The following LARGE1 variants were observed in gnomAD, a reference collection of about 807,000 sequenced individuals.
The protein encoded by LARGE1 is LARGE xylosyl- and glucuronyltransferase 1, also known as xylosyl- and glucuronyltransferase LARGE1.
LARGE1 carries 43 observed loss-of-function variants against 87.6 expected under a neutral mutation model. That is an observed-to-expected ratio of 0.49 (90% confidence interval 0.38 to 0.63). LARGE1 has a LOEUF of 0.63. Ranked by LOEUF, LARGE1 falls within the 30% of genes least tolerant of loss-of-function variation. The probability of loss-of-function intolerance (pLI) is 0.00; values close to 1 mark genes in which losing one functional copy is unlikely to be tolerated. For missense variants in LARGE1, 802 were observed against 1,000.2 expected (o/e 0.80, Z 2.67); for synonymous variants, 434 against 394.6 (o/e 1.10, Z -1.18).
rs544477241 is a variant in LARGE1 at position 33,645,248 on chromosome 22, A to G, written c.408+5119T>C. Among the ~76,000 whole-genome samples the G allele has an allele frequency of 2.6e-5, 4 of 152,334 alleles. No individual in the cohort carries two copies. In the East Asian group the frequency reaches 7.7e-4, roughly 29 times the overall value. On this transcript the variant is annotated intron_variant, in intron 3 of 14. Coordinates refer to ENST00000397394, the MANE Select transcript of LARGE1 (RefSeq NM_133642.5). ...ATGGTACTGGTACCAAAACAGATAT[A>G]TAGACCAATGAAACAGAACAGAGGC... is the stretch of plus-strand genomic sequence containing the variant.
At chr22:33,603,741 G>A (rs2079171669) in intron 5 of LARGE1, among the ~76,000 whole-genome samples, 1 of 152,190 alleles carries the variant, frequency 6.6e-6, no homozygotes, top group Admixed American at 6.5e-5. Context: ...TGACAAGACT[G>A]GAAGTAGAAT....
intron 6 of LARGE1, among the ~76,000 whole-genome samples, chr22:33,438,250 T>TG (rs2067344107): frequency 6.6e-6 from 1 of 151,968 alleles, no homozygotes; most frequent in East Asian, 1.9e-4. Context: ...GGGGATTCCT[T>TG]GGGGGAGATG....
At chr22:33,665,776 C>G (rs565700200) in intron 2 of LARGE1, among the ~76,000 whole-genome samples, 100 of 152,048 alleles carry the variant, frequency 6.6e-4, no homozygotes, top group Non-Finnish European at 1.3e-3. Context: ...CCTGTAGTCC[C>G]AGCTACTCAG....
chr22:33,296,123 A>G (rs1159423325), intron 12 of LARGE1, among the ~76,000 whole-genome samples: 1 of 152,248 alleles, frequency 6.6e-6, no homozygotes, highest in African/African-American at 2.4e-5. Flanking sequence ...ACTGTTAGTA[A>G]TAATAGCTAA....
chr22:33,641,375 G>C (rs764497638), intron 3 of LARGE1, among the ~76,000 whole-genome samples: 2 of 151,924 alleles, frequency 1.3e-5, no homozygotes, highest in African/African-American at 2.4e-5. Flanking sequence ...CCACAAAAAA[G>C]GCCATCAGCA....
intron 2 of LARGE1, among the ~76,000 whole-genome samples, chr22:33,735,355 A>G (rs1235753631): frequency 6.6e-6 from 1 of 152,218 alleles, no homozygotes; most frequent in Non-Finnish European, 1.5e-5. Flanking sequence ...CACCCCTTTG[A>G]GAACCATGCA....
At chr22:33,559,818 T>C (rs1360618898) in intron 6 of LARGE1, among the ~76,000 whole-genome samples, 1 of 152,082 alleles carries the variant, frequency 6.6e-6, no homozygotes, top group Non-Finnish European at 1.5e-5. Context: ...TGGGCCAGAA[T>C]TCTGGAGACT....
chr22:33,736,522 T>C (rs958033527), intron 2 of LARGE1, among the ~76,000 whole-genome samples: 1 of 152,276 alleles, frequency 6.6e-6, no homozygotes, highest in East Asian at 1.9e-4. Context: ...GAGTTATTCA[T>C]CTATTCTGTA....
intron 1 of LARGE1, among the ~76,000 whole-genome samples, chr22:33,770,563 T>C (rs554509461): frequency 5.9e-5 from 9 of 152,128 alleles, no homozygotes; most frequent in African/African-American, 2.2e-4. Flanking sequence ...CATCTGCCTG[T>C]AGTCACAGCT....
intron 2 of LARGE1, among the ~76,000 whole-genome samples, chr22:33,659,998 T>C (rs1177915919): frequency 6.6e-6 from 1 of 152,074 alleles, no homozygotes; most frequent in Non-Finnish European, 1.5e-5. Flanking sequence ...AAGTGTGTTC[T>C]AACGAGCAAT....
In LARGE1 at chr22:33,408,750, T is replaced by G. The variant is rs183094823; in HGVS notation, c.892+23411A>C. On this transcript the variant is annotated intron_variant, in intron 7 of 14. Coordinates refer to ENST00000397394, the MANE Select transcript of LARGE1 (RefSeq NM_133642.5). ...TATCTGAAAATGGAAAAACCCAGCG[T>G]GGGACATACAAAAATGGCCAGGGGG... 1.8e-3 allele frequency among the ~76,000 whole-genome samples: 253 copies of G among 139,754 alleles called. 2 individuals carry two copies. Among genetic ancestry groups the G allele is most frequent in the African/African-American group, 7.5e-3 (241 of 32,136 alleles). The allele number at this position is 139,754 out of a possible 152,430, so 91.7% of individuals were successfully genotyped here.
chr22:33,382,985 T>C (rs1009831040), intron 8 of LARGE1, among the ~76,000 whole-genome samples: 1 of 152,248 alleles, frequency 6.6e-6, no homozygotes, highest in Admixed American at 6.5e-5. Flanking sequence ...AAAGTAATCA[T>C]GCAGGGTTTC....
chr22:33,224,430 C>T (rs1346416146), intron 11 of LARGE1, among the ~76,000 whole-genome samples: 3 of 152,036 alleles, frequency 2.0e-5, no homozygotes, highest in Non-Finnish European at 4.4e-5. Context: ...CATATTGTGC[C>T]AGCGCTATTA....
chr22:33,283,468 C>T (rs1258566244), intron 12 of LARGE1, 120 bp from the exon 13 acceptor site: 1 of 1,115,962 alleles, frequency 9.0e-7, no homozygotes, highest in Non-Finnish European at 1.3e-6. Flanking sequence ...CTCAGGTCAT[C>T]CTCTCAATTA....
Position 33,455,029 on chromosome 22 carries a change from G to A in LARGE1, c.788-22764C>T, listed in dbSNP as rs533131399. On this transcript the variant is annotated intron_variant, in intron 6 of 14. Transcript: ENST00000397394. ...ACTGCTAAAAGCAATCCACAGATAA[G>A]GACTCTCTCCTAGCAAATGCTATTA... Among the ~76,000 whole-genome samples, 21 of 152,166 alleles carry A rather than the reference G, an allele frequency of 1.4e-4. 1 individual carries two copies. The highest frequency in any genetic ancestry group is 2.5e-4 in the Non-Finnish European group (17 of 68,030).
intron 3 of LARGE1, among the ~76,000 whole-genome samples, chr22:33,646,196 C>T (rs945742256): frequency 5.3e-5 from 8 of 152,238 alleles, no homozygotes; most frequent in Admixed American, 4.6e-4. Context: ...AAATGCCCAT[C>T]AATGATAGAC....
intron 1 of LARGE1, among the ~76,000 whole-genome samples, chr22:33,816,214 T>C (rs16993089): frequency 0.028 from 4,276 of 152,244 alleles, 80 homozygotes; most frequent in Middle Eastern, 0.054. Context: ...GCATCTGGAT[T>C]TTCATGCTTG....
At chr22:33,276,513 C>T (rs113603238) in intron 14 of LARGE1, among the ~76,000 whole-genome samples, 1 of 152,214 alleles carries the variant, frequency 6.6e-6, no homozygotes, top group Admixed American at 6.5e-5. Context: ...CTTGGTTTCA[C>T]CTACTAGAAT....
At chr22:33,522,157 A>G (rs75525988) in intron 6 of LARGE1, among the ~76,000 whole-genome samples, 1,766 of 152,334 alleles carry the variant, frequency 0.012, 18 homozygotes, top group African/African-American at 0.03. Context: ...TCACATTTCA[A>G]CATGAGATTT....
Sources: gnomAD v4.1 joint callset for allele counts (sites outside exome capture counted in the v4.1 genomes callset) on GRCh38, gnomAD v4.1.1 for gene constraint, MANE v1.5 for transcripts, NCBI Gene and HGNC (gene_info 2026-07-23, HGNC 2026-07-21) for gene names.